NDUFAF6: variants seen among roughly 807,000 people sequenced by gnomAD.
The protein encoded by NDUFAF6 is NADH dehydrogenase (ubiquinone) complex I, assembly factor 6.
In NDUFAF6, 45 loss-of-function variants were observed where a neutral mutation model predicts 40.8. That is an observed-to-expected ratio of 1.10 (90% CI 0.87 to 1.42). The LOEUF is 1.42. NDUFAF6 is among the 40% of genes most tolerant of loss of function. The pLI, the probability that NDUFAF6 is intolerant of heterozygous loss-of-function variation, is 0.00. For synonymous variants in NDUFAF6, 185 were observed against 155.9 expected (o/e 1.19, Z -1.39); for missense variants, 435 against 418.5 (o/e 1.04, Z -0.34).
chr8:95,113,422 A>G (rs1810050746), intron 4 of NDUFAF6, among the ~76,000 whole-genome samples: 1 of 152,176 alleles, frequency 6.6e-6, no homozygotes, highest in African/African-American at 2.4e-5. Context: ...CGCCATCCCC[A>G]TCCCAGGGAG....
At chr8:95,009,625 C>T (rs759748867) in intron 2 of NDUFAF6, among the ~76,000 whole-genome samples, 1 of 152,114 alleles carries the variant, frequency 6.6e-6, no homozygotes, top group Non-Finnish European at 1.5e-5. Context: ...GCTCACATAA[C>T]CCCATCTGCT....
chr8:94,974,800 G>A (rs566591489), intron 1 of NDUFAF6: 50 of 169,286 alleles, frequency 3.0e-4, no homozygotes, highest in Middle Eastern at 2.8e-3. Context: ...CCTTGTTAAG[G>A]GGGTCTCAAA....
intron 9 of NDUFAF6, among the ~76,000 whole-genome samples, chr8:95,072,367 A>T (rs1832895464): frequency 6.6e-6 from 1 of 152,152 alleles, no homozygotes; most frequent in African/African-American, 2.4e-5. Flanking sequence ...ACTGGTATAC[A>T]CTTTCATGTT....
chr8:95,090,411 G>T (rs1385458289), intron 2 of NDUFAF6, among the ~76,000 whole-genome samples: 1 of 152,108 alleles, frequency 6.6e-6, no homozygotes, highest in African/African-American at 2.4e-5. Context: ...GACTTCTTGG[G>T]TTCTGCCTTT....
intron 3 of NDUFAF6, among the ~76,000 whole-genome samples, chr8:95,040,014 C>T (rs1829976508): frequency 6.6e-6 from 1 of 152,152 alleles, no homozygotes; most frequent in African/African-American, 2.4e-5. Context: ...TGTCAGATGA[C>T]CTAATAATGT....
At chr8:94,922,479 AT>A (rs34170290) in intron 1 of NDUFAF6, among the ~76,000 whole-genome samples, 101,959 of 135,572 alleles carry the variant, frequency 0.75, 38,416 homozygotes, top group East Asian at 0.87. Flanking sequence ...AGAATCTGCA[AT>A]TTTTTTTTTT....
At chr8:94,985,083 G>A (rs1825714326) in intron 2 of NDUFAF6, among the ~76,000 whole-genome samples, 1 of 152,060 alleles carries the variant, frequency 6.6e-6, no homozygotes, top group African/African-American at 2.4e-5. Context: ...TGTAATCCAA[G>A]TCTGGCCAAA....
intron 1 of NDUFAF6, among the ~76,000 whole-genome samples, chr8:94,972,065 A>G (rs1435703642): frequency 6.6e-6 from 1 of 152,234 alleles, no homozygotes; most frequent in Non-Finnish European, 1.5e-5. Flanking sequence ...TCCTTTACCT[A>G]TCAAACTGTA....
At position 95,058,443 on chromosome 8, in the gene NDUFAF6, C is replaced by G; in HGVS notation, c.*506C>G. On this transcript the variant is annotated 3_prime_UTR_variant, in exon 9 of 9. Transcript: ENST00000396124. ...CAGTCACGTGTTGTGGGCTTTTATC[C>G]TTAACGTTTAATTTTTACAATCTTG... 8.1e-7 allele frequency: 1 copy of G among 1,231,180 alleles called. No individual in the cohort carries two copies. Among genetic ancestry groups the G allele is most frequent in the Non-Finnish European group, 1.0e-6 (1 of 987,810 alleles). The allele number at this position is 1,231,180 out of a possible 1,614,324, so 76.3% of individuals were successfully genotyped here.
intron 6 of NDUFAF6, among the ~76,000 whole-genome samples, chr8:95,047,770 A>T (rs1423458695): frequency 1.3e-5 from 2 of 151,868 alleles, no homozygotes; most frequent in Non-Finnish European, 2.9e-5. Context: ...CGGCCTCCCA[A>T]AGTGCTGGGA....
chr8:95,104,696 T>TTG (rs1025534937), downstream of NDUFAF6, among the ~76,000 whole-genome samples: 7 of 152,282 alleles, frequency 4.6e-5, 1 homozygote. Context: ...ACACACTCCA[T>TTG]TGTGTGTGCA....
chr8:95,041,850 C>T (rs948294427), intron 4 of NDUFAF6, among the ~76,000 whole-genome samples: 4 of 152,156 alleles, frequency 2.6e-5, no homozygotes, highest in African/African-American at 9.7e-5. Flanking sequence ...CACAACCACA[C>T]TCCACTATTT....
intron 1 of NDUFAF6, among the ~76,000 whole-genome samples, chr8:94,967,974 G>A (rs1436272194): frequency 3.3e-5 from 5 of 151,104 alleles, no homozygotes; most frequent in African/African-American, 9.7e-5. Context: ...TGGGGCTACA[G>A]TCATCTTAAG....
intron 1 of NDUFAF6, chr8:94,932,178 G>T: frequency 6.6e-7 from 1 of 1,515,600 alleles, no homozygotes; most frequent in South Asian, 1.2e-5. Context: ...TTTACTATTA[G>T]GACGTGGTCA....
chr8:95,051,754 G>A (rs748445810), intron 7 of NDUFAF6, among the ~76,000 whole-genome samples: 2 of 152,116 alleles, frequency 1.3e-5, no homozygotes, highest in African/African-American at 4.8e-5. Flanking sequence ...TAATTTGTCC[G>A]GCTGCGTGGA....
At chr8:94,943,998 C>T (rs1284717505) in intron 1 of NDUFAF6, among the ~76,000 whole-genome samples, 1 of 152,186 alleles carries the variant, frequency 6.6e-6, no homozygotes, top group African/African-American at 2.4e-5. Flanking sequence ...AATAAGTTAT[C>T]ATAAGGTCTG....
chr8:95,001,991 CAG>C (rs1287050463), intron 2 of NDUFAF6, among the ~76,000 whole-genome samples: 2 of 152,180 alleles, frequency 1.3e-5, no homozygotes, highest in South Asian at 2.1e-4. Flanking sequence ...ATTAGACACT[CAG>C]AGGATCAGAT....
upstream of NDUFAF6, among the ~76,000 whole-genome samples, chr8:94,955,911 T>C (rs1823029117): frequency 6.6e-6 from 1 of 152,244 alleles, no homozygotes; most frequent in South Asian, 2.1e-4. Context: ...TGAGTTACTT[T>C]ACCTGCTCAA....
upstream of NDUFAF6, among the ~76,000 whole-genome samples, chr8:95,095,519 C>G (rs932922808): frequency 1.3e-5 from 2 of 152,100 alleles, no homozygotes; most frequent in Admixed American, 6.5e-5. Flanking sequence ...GTCTGTCCCC[C>G]AAGACTTTCT....
Sources: gnomAD v4.1 joint callset for allele counts (sites outside exome capture counted in the v4.1 genomes callset) on GRCh38, gnomAD v4.1.1 for gene constraint, MANE v1.5 for transcripts, NCBI Gene and HGNC (gene_info 2026-07-23, HGNC 2026-07-21) for gene names.